The following TTLL5 variants were observed in gnomAD, a reference collection of about 807,000 sequenced individuals.
TTLL5 encodes tubulin polyglutamylase TTLL5.
A neutral mutation model predicts 168.4 loss-of-function variants in TTLL5; 132 were observed. The observed-to-expected ratio is 0.78, with a 90% CI of 0.68 to 0.91. The LOEUF is 0.91. Ranked by LOEUF, TTLL5 falls within the 40% of genes least tolerant of loss-of-function variation. The probability of loss-of-function intolerance (pLI) is 0.00; values close to 1 mark genes in which losing one functional copy is unlikely to be tolerated. For missense variants in TTLL5, 1,545 were observed against 1,581.5 expected, an observed-to-expected ratio of 0.98 and a Z score of 0.39; for synonymous variants, 546 against 558.6, an observed-to-expected ratio of 0.98 and a Z score of 0.32.
At chr14:75,715,264 C>CTTTTTTTT (rs1201985101) in intron 9 of TTLL5, among the ~76,000 whole-genome samples, 2 of 130,946 alleles carry the variant, frequency 1.5e-5, no homozygotes, top group African/African-American at 5.8e-5. Context: ...CACCATCTTC[C>CTTTTTTTT]TTTTTTTTTT....
chr14:75,801,922 C>T (rs189124601), intron 27 of TTLL5, among the ~76,000 whole-genome samples: 15 of 152,282 alleles, frequency 9.9e-5, no homozygotes, highest in African/African-American at 3.1e-4. Context: ...GAGAGTTCTG[C>T]TCTTCTCTCT....
At chr14:75,796,807 C>T (rs150856791) in intron 27 of TTLL5, among the ~76,000 whole-genome samples, 195 of 152,198 alleles carry the variant, frequency 1.3e-3, no homozygotes, top group African/African-American at 4.6e-3. Context: ...ATACCAGTAC[C>T]ATGCTGTTTT....
intron 31 of TTLL5, among the ~76,000 whole-genome samples, chr14:75,937,571 C>G (rs2034472576): frequency 6.6e-6 from 1 of 152,172 alleles, no homozygotes; most frequent in African/African-American, 2.4e-5. Context: ...CTTTCTGTCT[C>G]TATGAATTTG....
chr14:75,808,723 G>A (rs896612968), intron 27 of TTLL5, among the ~76,000 whole-genome samples: 1 of 152,038 alleles, frequency 6.6e-6, no homozygotes, highest in Non-Finnish European at 1.5e-5. Flanking sequence ...ATCATTCAGA[G>A]CCCCATGGCT....
At chr14:75,767,163 TAAAA>T (rs11301063) in intron 20 of TTLL5, among the ~76,000 whole-genome samples, 3 of 140,576 alleles carry the variant, frequency 2.1e-5, no homozygotes, top group South Asian at 4.6e-4. Flanking sequence ...AACTCCATCT[TAAAA>T]AAAAAAAAAA....
At chr14:75,685,305 G>A (rs1255791560) in intron 5 of TTLL5, among the ~76,000 whole-genome samples, 1 of 151,310 alleles carries the variant, frequency 6.6e-6, no homozygotes, top group Non-Finnish European at 1.5e-5. Context: ...AGTTTGGGGT[G>A]GTCAGGGCTT....
At chr14:75,745,402 T>A in intron 16 of TTLL5, 88 bp from the exon 17 acceptor site, 1 of 1,372,626 alleles carries the variant, frequency 7.3e-7, no homozygotes, top group Non-Finnish European at 1.0e-6. Flanking sequence ...TTTCATATTC[T>A]TGGGTCATAA....
At chr14:75,826,631 C>T (rs1382773533) in intron 28 of TTLL5, among the ~76,000 whole-genome samples, 1 of 152,002 alleles carries the variant, frequency 6.6e-6, no homozygotes, top group African/African-American at 2.4e-5. Context: ...TGACAAAGTT[C>T]CTTACACTAA....
chr14:75,673,886 G>A lies in TTLL5; in HGVS notation c.181+4364G>A, dbSNP rs1253153427. 4.6e-5 allele frequency among the ~76,000 whole-genome samples: 7 copies of A among 152,248 alleles called. No individual in the cohort carries two copies. The East Asian group carries it at 5.8e-4, about 13-fold the overall frequency. On this transcript the variant is annotated intron_variant, in intron 3 of 31. Transcript: ENST00000298832. Reference sequence around the variant, plus strand: ...AAGTGGTTCATTCATGTTCTCTGAAGCCTGAGTAACTGAAGACCCCTTGCT... The same window carrying A: ...AAGTGGTTCATTCATGTTCTCTGAAACCTGAGTAACTGAAGACCCCTTGCT...
intron 31 of TTLL5, among the ~76,000 whole-genome samples, chr14:75,929,764 T>G (rs1306678629): frequency 6.6e-6 from 1 of 152,190 alleles, no homozygotes; most frequent in Non-Finnish European, 1.5e-5. Flanking sequence ...AAGATACCTA[T>G]TTTTCACTCA....
intron 28 of TTLL5, chr14:75,838,069 T>C (rs1157690307): frequency 1.3e-5 from 2 of 152,252 alleles, no homozygotes; most frequent in Non-Finnish European, 2.9e-5. Flanking sequence ...AGTATGTTAA[T>C]TGTGTTTTTT....
chr14:75,952,388 T>C (rs2034988684), intron 31 of TTLL5, among the ~76,000 whole-genome samples: 1 of 152,146 alleles, frequency 6.6e-6, no homozygotes, highest in Admixed American at 6.5e-5. Flanking sequence ...AAAAGAGACA[T>C]TGGAACCTTC....
rs183014924 is a variant in TTLL5, at chr14:75,686,991, G to A, written c.372-3201G>A. 1.4e-3 allele frequency among the ~76,000 whole-genome samples: 214 copies of A among 152,132 alleles called. 1 individual carries two copies. The highest frequency in any genetic ancestry group is 5.0e-3 in the African/African-American group (208 of 41,510). ...AAGCTAGAATTTCTTTCACAGGTTC[G>A]GTTTTTATAACCTGAAATTTTGGGT... On this transcript the variant is annotated intron_variant, in intron 5 of 31. Coordinates refer to ENST00000298832, the MANE Select transcript of TTLL5 (RefSeq NM_015072.5).
chr14:75,893,766 C>T (rs1156675144), intron 30 of TTLL5, among the ~76,000 whole-genome samples: 3 of 142,556 alleles, frequency 2.1e-5, no homozygotes, highest in African/African-American at 7.9e-5. Context: ...TACAGGGAGC[C>T]AAGATCGTGC....
intron 30 of TTLL5, among the ~76,000 whole-genome samples, chr14:75,893,589 T>C (rs2032507296): frequency 6.6e-6 from 1 of 151,498 alleles, no homozygotes; most frequent in Admixed American, 6.6e-5. Context: ...GAGGCCGAGG[T>C]GGGCGGATCA....
chr14:75,814,711 A>G (rs1419895192), intron 27 of TTLL5: 1 of 152,212 alleles, frequency 6.6e-6, no homozygotes, highest in African/African-American at 2.4e-5. Context: ...TCTAGAGATA[A>G]TTTGCTTGGT....
intron 27 of TTLL5, among the ~76,000 whole-genome samples, chr14:75,802,528 A>T (rs1056262963): frequency 2.6e-5 from 4 of 152,272 alleles, no homozygotes; most frequent in Admixed American, 6.5e-5. Flanking sequence ...TCAACTGCTT[A>T]GCCTATTAAA....
chr14:75,925,823 C>T (rs1010616619), intron 31 of TTLL5, among the ~76,000 whole-genome samples: 3 of 152,012 alleles, frequency 2.0e-5, no homozygotes, highest in South Asian at 2.1e-4. Flanking sequence ...CCGAGGCTGG[C>T]GGATCACTCG....
At chr14:75,847,543 T>C (rs1896614058) in intron 28 of TTLL5, 2 of 152,104 alleles carry the variant, frequency 1.3e-5, no homozygotes, top group South Asian at 4.1e-4. Flanking sequence ...TTACTATGTA[T>C]ACAACTGTTC....
Sources: gnomAD v4.1 joint callset for allele counts (sites outside exome capture counted in the v4.1 genomes callset) on GRCh38, gnomAD v4.1.1 for gene constraint, MANE v1.5 for transcripts, NCBI Gene and HGNC (gene_info 2026-07-23, HGNC 2026-07-21) for gene names.